Variants in AGMO observed in about 807,000 individuals in gnomAD.
AGMO encodes the protein alkylglycerol monooxygenase.
In AGMO, 75 loss-of-function variants were observed where a neutral mutation model predicts 60.2. The ratio of observed to expected loss-of-function variants is 1.25; its 90% CI spans 1.03 to 1.51. AGMO has a LOEUF of 1.51. AGMO is among the 40% of genes most tolerant of loss of function. The pLI is 0.00. For missense variants in AGMO, 763 were observed against 525.5 expected (o/e 1.45, Z -4.42); for synonymous variants, 261 against 177.1 (o/e 1.47, Z -3.76).
At chr7:15,336,809 C>A (rs78130646) in intron 12 of AGMO, among the ~76,000 whole-genome samples, 5,470 of 152,196 alleles carry the variant, frequency 0.036, 120 homozygotes, top group South Asian at 0.058. Flanking sequence ...TAAGTAATTA[C>A]TTATCAGGCT....
At chr7:15,295,084 A>C (rs2128523589) in intron 12 of AGMO, among the ~76,000 whole-genome samples, 1 of 152,004 alleles carries the variant, frequency 6.6e-6, no homozygotes, top group African/African-American at 2.4e-5. Flanking sequence ...TAATTGCAAA[A>C]GAAAGGAGGA....
intron 12 of AGMO, among the ~76,000 whole-genome samples, chr7:15,249,288 G>T (rs2128505897): frequency 6.6e-6 from 1 of 151,762 alleles, no homozygotes; most frequent in South Asian, 2.1e-4. Flanking sequence ...GGGTTTAGGA[G>T]TGAAGAAGTA....
At chr7:15,534,704 T>C (rs1273881595) in intron 3 of AGMO, among the ~76,000 whole-genome samples, 1 of 151,916 alleles carries the variant, frequency 6.6e-6, no homozygotes, top group Non-Finnish European at 1.5e-5. Flanking sequence ...TGTTATATGA[T>C]ACATTTGTAC....
chr7:15,330,591 T>G (rs1029497758), intron 12 of AGMO, among the ~76,000 whole-genome samples: 5 of 152,130 alleles, frequency 3.3e-5, no homozygotes, highest in African/African-American at 9.7e-5. Context: ...TTTGAGCGAT[T>G]TGAGTATCTA....
the AGMO span, among the ~76,000 whole-genome samples, chr7:15,165,291 T>C: frequency 6.6e-6 from 1 of 152,236 alleles, no homozygotes. Context: ...GTGTTCACTA[T>C]TCAGGTGATG....
Position 15,544,869 on chromosome 7 carries a change from G to A in AGMO, c.312C>T (p.Tyr104=). The A allele has an allele frequency of 1.2e-6, 2 of 1,602,382 alleles. No individual in the cohort carries two copies. Among genetic ancestry groups the A allele is most frequent in the African/African-American group, 1.3e-5 (1 of 74,550 alleles). The change falls in exon 3 of 13, where the codon TAC becomes TAT. Residue 104 remains tyrosine (Y), a synonymous_variant. Coordinates refer to ENST00000342526, the MANE Select transcript of AGMO (RefSeq NM_001004320.2). ...AATCCCAAGGCAAATTGAACAGCCT[G>A]TAGTTCTCCCAGATATAAATATAAC... ...LTSYIYIWEN[Y]RLFNLPWDSP... is the part of the protein sequence containing the mutation.
At chr7:15,459,443 T>C (rs973870545) in intron 3 of AGMO, among the ~76,000 whole-genome samples, 22 of 152,288 alleles carry the variant, frequency 1.4e-4, no homozygotes, top group African/African-American at 4.8e-4. Context: ...AGAGTGGTTA[T>C]GTTCCGAATG....
At chr7:15,529,868 C>T (rs1475879892) in intron 3 of AGMO, among the ~76,000 whole-genome samples, 2 of 73,548 alleles carry the variant, frequency 2.7e-5, no homozygotes, top group Non-Finnish European at 4.7e-5. Flanking sequence ...ATTCTATATA[C>T]GTATTTCCAT....
the AGMO span, among the ~76,000 whole-genome samples, chr7:15,127,879 T>G: frequency 8.5e-5 from 13 of 152,166 alleles, no homozygotes; most frequent in East Asian, 1.7e-3. Flanking sequence ...TCCATCTGAT[T>G]TCATGTTTAT....
intron 12 of AGMO, among the ~76,000 whole-genome samples, chr7:15,314,562 G>C (rs1285351500): frequency 6.6e-6 from 1 of 152,056 alleles, no homozygotes; most frequent in Non-Finnish European, 1.5e-5. Context: ...TTAATCTGAA[G>C]TTTTTAGTTC....
chr7:15,347,072 T>C (rs1782060602), intron 12 of AGMO, among the ~76,000 whole-genome samples: 1 of 152,020 alleles, frequency 6.6e-6, no homozygotes, highest in African/African-American at 2.4e-5. Flanking sequence ...AGGTACTACA[T>C]TAAAATGAAT....
At chr7:15,262,961 G>C (rs1357230613) in intron 12 of AGMO, among the ~76,000 whole-genome samples, 2 of 152,020 alleles carry the variant, frequency 1.3e-5, no homozygotes, top group Admixed American at 1.3e-4. Flanking sequence ...TATAAGACCT[G>C]AAACCGTAAA....
chr7:15,387,315 T>G (rs1490033542), intron 9 of AGMO, 91 bp downstream of exon 9: 9 of 1,410,232 alleles, frequency 6.4e-6, no homozygotes, highest in Non-Finnish European at 8.7e-6. Flanking sequence ...TTTTTACAGA[T>G]TTGCATGAAA....
In AGMO at chr7:15,362,455, C is replaced by G. The variant is rs185499086; in HGVS notation, c.1263+3059G>C. Among the ~76,000 whole-genome samples, 91 of 152,274 alleles carry G rather than the reference C, an allele frequency of 6.0e-4. 1 individual carries two copies. Among genetic ancestry groups the G allele is most frequent in the Non-Finnish European group, 1.3e-4 (9 of 68,020 alleles). ...TTTTAATAATAATAATAGTAACACT[C>G]TAATAATGGTAATATGAACAATGAT... On this transcript the variant is annotated intron_variant, in intron 12 of 12. Coordinates refer to ENST00000342526, the MANE Select transcript of AGMO (RefSeq NM_001004320.2).
chr7:15,119,832 G>T, the AGMO span, among the ~76,000 whole-genome samples: 1 of 151,728 alleles, frequency 6.6e-6, no homozygotes, highest in Admixed American at 6.6e-5. Flanking sequence ...AATTAGAAAA[G>T]AACTTTTGGA....
At chr7:15,135,728 T>C in the AGMO span, among the ~76,000 whole-genome samples, 1 of 142,602 alleles carries the variant, frequency 7.0e-6, no homozygotes, top group African/African-American at 2.5e-5. Flanking sequence ...TATTTCAAGA[T>C]AATCTGCTTA....
At chr7:15,220,208 C>CTTTTT (rs904364065) in intron 12 of AGMO, among the ~76,000 whole-genome samples, 6 of 109,530 alleles carry the variant, frequency 5.5e-5, no homozygotes, top group East Asian at 2.3e-4. Context: ...CTGACTGTGC[C>CTTTTT]TTTTTTTTTT....
chr7:15,241,203 G>A (rs1782576234), intron 12 of AGMO, among the ~76,000 whole-genome samples: 2 of 151,990 alleles, frequency 1.3e-5, no homozygotes, highest in Admixed American at 1.3e-4. Flanking sequence ...GCTCACGCCT[G>A]TAATCCCAGC....
chr7:15,412,396 T>C (rs186629587), intron 5 of AGMO, among the ~76,000 whole-genome samples: 103 of 151,980 alleles, frequency 6.8e-4, no homozygotes, highest in African/African-American at 2.4e-3. Context: ...AATTTAAGGA[T>C]ACCTAAAGTG....
Sources: allele counts gnomAD v4.1 joint callset (sites outside exome capture counted in the v4.1 genomes callset), GRCh38; gene constraint gnomAD v4.1.1; transcripts MANE v1.5; gene names NCBI Gene and HGNC (gene_info 2026-07-23, HGNC 2026-07-21).